Variants in TMX1 observed in about 807,000 individuals in gnomAD.
The protein encoded by TMX1 is thioredoxin related transmembrane protein 1.
A neutral mutation model predicts 36.6 loss-of-function variants in TMX1; 25 were observed. That is an observed-to-expected ratio of 0.68 (90% CI 0.50 to 0.95). The LOEUF (loss-of-function observed/expected upper bound fraction) is 0.95, where lower values mean the gene tolerates loss of function less well. Ranked by LOEUF, TMX1 falls within the 40% of genes least tolerant of loss-of-function variation. The probability of loss-of-function intolerance (pLI) is 0.00; values close to 1 mark genes in which losing one functional copy is unlikely to be tolerated. For missense variants in TMX1, 347 were observed against 339.6 expected (o/e 1.02, Z -0.17); for synonymous variants, 133 against 118.0 (o/e 1.13, Z -0.82).
rs544993474 is a variant in TMX1 at position 51,250,618 on chromosome 14, A to G, written c.664+853A>G. On this transcript the variant is annotated intron_variant, in intron 7 of 7. Transcript: ENST00000457354. ...GCTATTCTCCTGCCTTGCCCTGCCGAGTAGCTGGGACTACAGGTGCCCACC... is the reference window on the plus strand; with the variant it reads ...GCTATTCTCCTGCCTTGCCCTGCCGGGTAGCTGGGACTACAGGTGCCCACC... Among the ~76,000 whole-genome samples the G allele has an allele frequency of 7.2e-5, 11 of 152,272 alleles. No individual in the cohort carries two copies. The East Asian group carries it at 2.1e-3, about 29-fold the overall frequency.
In TMX1 at chr14:51,249,355, T is replaced by G. The variant is rs758788189; in HGVS notation, c.473T>G (p.Leu158Arg). ...AGTAGTATGTCAGCACTCTTTCAGC[T>G]ATCTATGTGGATCAGGGTATGGACT... ...LMSSMSALFQ[L>R]SMWIRTCHNY... The change falls in exon 5 of 8, where the codon CTA (leucine) becomes CGA (arginine). Residue 158 changes from leucine (L) to arginine (R), a missense_variant. Transcript: ENST00000457354. 1 of 1,608,070 alleles carries G rather than the reference T, an allele frequency of 6.2e-7. No homozygotes were observed. The highest frequency in any genetic ancestry group is 1.1e-5 in the South Asian group (1 of 89,608).
At chr14:51,254,174 T>C (rs1018077494) in intron 7 of TMX1, among the ~76,000 whole-genome samples, 167 bp from the exon 8 acceptor site, 1 of 152,206 alleles carries the variant, frequency 6.6e-6, no homozygotes, top group African/African-American at 2.4e-5. Context: ...TTTTATAATA[T>C]TCATGGTTTT....
intron 4 of TMX1, among the ~76,000 whole-genome samples, chr14:51,247,493 ACTACAGGTGCCCACCGCCACACGT>A (rs544443811): frequency 8.5e-4 from 128 of 151,062 alleles, no homozygotes; most frequent in Middle Eastern, 3.5e-3. Flanking sequence ...AGTAGCTGGG[ACTACAGGTGCCCACCGCCACACGT>A]GGCTAATTTT....
intron 3 of TMX1, chr14:51,245,647 G>C (rs2065782410): frequency 2.0e-6 from 1 of 504,050 alleles, no homozygotes; most frequent in Admixed American, 3.4e-5. Flanking sequence ...ATCCAAAGTA[G>C]TGGTGAGTCC....
At chr14:51,242,671 T>C (rs2140469612) in intron 1 of TMX1, among the ~76,000 whole-genome samples, 1 of 152,272 alleles carries the variant, frequency 6.6e-6, no homozygotes. Flanking sequence ...TCCCAGCTAC[T>C]TGGGCTGAGG....
At chr14:51,249,024 T>G (rs2139855616) in intron 4 of TMX1, among the ~76,000 whole-genome samples, 1 of 152,308 alleles carries the variant, frequency 6.6e-6, no homozygotes, top group South Asian at 2.1e-4. Flanking sequence ...TTGTAACCCT[T>G]TACTCAGTGT....
rs893680230 is a variant in TMX1, at chr14:51,243,532, C to G, written c.153-324C>G. 5.3e-5 allele frequency among the ~76,000 whole-genome samples: 8 copies of G among 152,320 alleles called. No homozygotes were observed. The East Asian group carries it at 1.3e-3, about 26-fold the overall frequency. On this transcript the variant is annotated intron_variant, in intron 1 of 7. Transcript: ENST00000457354. ...AATTATTAAAATTGGTAAGCTCTAACTTTGGTCTTGAGCTTTCTGGTGGCC... is the reference window on the plus strand; with the variant it reads ...AATTATTAAAATTGGTAAGCTCTAAGTTTGGTCTTGAGCTTTCTGGTGGCC...
rs1438370738 is a variant in TMX1, at chr14:51,257,489, T to TAA, written c.*2972_*2973dup. ...AAGAATTTATTTCAGTTGGACTTAT[T>TAA]AAATGAGTGGTTTTGCTGAGTGTAT... On this transcript the variant is annotated 3_prime_UTR_variant, in exon 8 of 8. Coordinates refer to ENST00000457354, the MANE Select transcript of TMX1 (RefSeq NM_030755.5). The TAA allele has an allele frequency of 4.6e-5, 7 of 152,200 alleles. No homozygotes were observed. The highest frequency in any genetic ancestry group is 1.7e-4 in the African/African-American group (7 of 41,446). The allele number at this position is 152,200 out of a possible 1,614,324, so 9.4% of individuals were successfully genotyped here.
intron 4 of TMX1, among the ~76,000 whole-genome samples, chr14:51,249,076 A>T (rs2065799310): frequency 6.6e-6 from 1 of 152,190 alleles, no homozygotes; most frequent in Admixed American, 6.5e-5. Flanking sequence ...ATTAACATCA[A>T]AACAGTGGGA....
Position 51,254,390 on chromosome 14 carries a change from A to G in TMX1, c.714A>G (p.Glu238=). Residue 238 remains glutamate, a synonymous_variant, in exon 8 of 8, where the codon GAA becomes GAG. Coordinates refer to ENST00000457354, the MANE Select transcript of TMX1 (RefSeq NM_030755.5). Reference sequence around the variant, plus strand: ...AACCTTTGAAAAAAGTGGAGGAGGAACAAGAGGCGGATGAAGAAGATGTTT... The same window carrying G: ...AACCTTTGAAAAAAGTGGAGGAGGAGCAAGAGGCGGATGAAGAAGATGTTT... ...SAQPLKKVEE[E]QEADEEDVSE... The G allele has an allele frequency of 1.2e-6, 2 of 1,612,214 alleles. No homozygotes were observed. Among genetic ancestry groups the G allele is most frequent in the South Asian group, 1.1e-5 (1 of 90,638 alleles).
rs903211505 is a variant in TMX1 at position 51,257,232 on chromosome 14, A to G, written c.*2713A>G. 2.0e-5 allele frequency: 3 copies of G among 152,222 alleles called. No individual in the cohort carries two copies. Among genetic ancestry groups the G allele is most frequent in the African/African-American group, 7.2e-5 (3 of 41,470 alleles). 9.4% of individuals were successfully genotyped at this position (152,222 alleles called of 1,614,324 possible). On this transcript the variant is annotated 3_prime_UTR_variant, in exon 8 of 8. Coordinates refer to ENST00000457354, the MANE Select transcript of TMX1 (RefSeq NM_030755.5). ...AGTCTCGTGATGTTGGTTATTGCAT[A>G]AAGTAAGTTATTGCAGTAAATGATG...
Position 51,256,619 on chromosome 14 carries a change from A to G in TMX1, c.*2100A>G, listed in dbSNP as rs1278424446. The stretch of plus-strand genomic sequence containing the variant: ...TATTGTAAAATCTGATCTCTAGAGG[A>G]AAATACAGTATTCTACCTTACGTTG... On this transcript the variant is annotated 3_prime_UTR_variant, in exon 8 of 8. Coordinates refer to ENST00000457354, the MANE Select transcript of TMX1 (RefSeq NM_030755.5). 5 of 152,222 alleles carry G rather than the reference A, an allele frequency of 3.3e-5. No individual in the cohort carries two copies. The highest frequency in any genetic ancestry group is 5.9e-5 in the Non-Finnish European group (4 of 68,036). 9.4% of individuals were successfully genotyped at this position (152,222 alleles called of 1,614,324 possible).
At chr14:51,242,600 A>G (rs957808664) in intron 1 of TMX1, among the ~76,000 whole-genome samples, 10 of 152,280 alleles carry the variant, frequency 6.6e-5, no homozygotes, top group Non-Finnish European at 4.4e-5. Flanking sequence ...CAACATGGCA[A>G]AAACCAGTCT....
intron 3 of TMX1, among the ~76,000 whole-genome samples, chr14:51,246,374 T>C (rs2139853508): frequency 6.6e-6 from 1 of 152,330 alleles, no homozygotes; most frequent in East Asian, 1.9e-4. Context: ...ACAAAAACTT[T>C]GTGTTTTGGG....
At chr14:51,250,648 CGCCCG>C (rs2065807389) in intron 7 of TMX1, among the ~76,000 whole-genome samples, 1 of 152,142 alleles carries the variant, frequency 6.6e-6, no homozygotes, top group Non-Finnish European at 1.5e-5. Flanking sequence ...CCCACCACCA[CGCCCG>C]GCTAATTTTT....
At chr14:51,253,034 T>C (rs1321267272) in intron 7 of TMX1, among the ~76,000 whole-genome samples, 1 of 152,194 alleles carries the variant, frequency 6.6e-6, no homozygotes, top group Non-Finnish European at 1.5e-5. Context: ...AGTCACAATC[T>C]AAGAATAAGA....
At chr14:51,241,781 C>G (rs769091701) in intron 1 of TMX1, among the ~76,000 whole-genome samples, 11 of 152,190 alleles carry the variant, frequency 7.2e-5, no homozygotes, top group Non-Finnish European at 1.5e-4. Context: ...GTGAAAGTGA[C>G]ATCCCCAAGG....
At chr14:51,240,862 A>G (rs2065757600) in intron 1 of TMX1, among the ~76,000 whole-genome samples, 1 of 151,560 alleles carries the variant, frequency 6.6e-6, no homozygotes, top group Non-Finnish European at 1.5e-5. Context: ...ATTGAGCAAA[A>G]TTTCTCCTCT....
At chr14:51,253,672 G>A (rs2065825159) in intron 7 of TMX1, among the ~76,000 whole-genome samples, 1 of 152,168 alleles carries the variant, frequency 6.6e-6, no homozygotes, top group Non-Finnish European at 1.5e-5. Context: ...TCGAAAGGGT[G>A]TGTATTTATT....
Sources: gnomAD v4.1 joint callset for allele counts (sites outside exome capture counted in the v4.1 genomes callset) on GRCh38, gnomAD v4.1.1 for gene constraint, MANE v1.5 for transcripts, NCBI Gene and HGNC (gene_info 2026-07-23, HGNC 2026-07-21) for gene names.